Variants in RBFOX1 observed in about 807,000 individuals in gnomAD.
The protein encoded by RBFOX1 is RNA binding fox-1 homolog 1.
A neutral mutation model predicts 57.7 loss-of-function variants in RBFOX1; 8 were observed. That is an observed-to-expected ratio of 0.14 (90% CI 0.08 to 0.25). The LOEUF (loss-of-function observed/expected upper bound fraction) is 0.25. Among genes scored for constraint, RBFOX1 ranks in the 10% least tolerant of loss-of-function variants. The pLI is 1.00. For synonymous variants in RBFOX1, 326 were observed against 222.4 expected (o/e 1.47, Z -4.15); for missense variants, 611 against 548.5 (o/e 1.11, Z -1.14).
exon 3 of RBFOX1, chr16:5,599,015 C>A: frequency 7.2e-7 from 1 of 1,397,790 alleles, no homozygotes; most frequent in Non-Finnish European, 9.8e-7. Context: ...CTTTTGCATC[C>A]TTTTCAGCCT....
intron 1 of RBFOX1, among the ~76,000 whole-genome samples, chr16:6,271,547 A>G (rs1195830656): frequency 1.3e-5 from 2 of 152,238 alleles, no homozygotes; most frequent in Non-Finnish European, 2.9e-5. Flanking sequence ...TGAACAGATG[A>G]GTAAGACAAA....
At chr16:5,973,242 T>C (rs764258208) in intron 4 of RBFOX1, among the ~76,000 whole-genome samples, 1 of 152,216 alleles carries the variant, frequency 6.6e-6, no homozygotes, top group Non-Finnish European at 1.5e-5. Flanking sequence ...TTGGAAAATA[T>C]ATGAACAGAG....
intron 4 of RBFOX1, among the ~76,000 whole-genome samples, chr16:5,897,866 C>G (rs1026892309): frequency 6.7e-6 from 1 of 148,876 alleles, no homozygotes; most frequent in African/African-American, 2.5e-5. Context: ...ACTAGTTTCA[C>G]TCTGAAATAT....
intron 3 of RBFOX1, among the ~76,000 whole-genome samples, chr16:5,793,189 T>C (rs2054760377): frequency 6.6e-6 from 1 of 152,196 alleles, no homozygotes; most frequent in South Asian, 2.1e-4. Context: ...CTTCAGCCTC[T>C]GAGAAGTGCT....
intron 3 of RBFOX1, among the ~76,000 whole-genome samples, chr16:5,661,098 G>T (rs564198030): frequency 5.9e-5 from 9 of 152,130 alleles, no homozygotes; most frequent in African/African-American, 2.2e-4. Context: ...CCTGAGATTG[G>T]GAAAAGAAAG....
chr16:5,920,804 A>C (rs1440311997), intron 4 of RBFOX1, among the ~76,000 whole-genome samples: 1 of 152,224 alleles, frequency 6.6e-6, no homozygotes, highest in Non-Finnish European at 1.5e-5. Flanking sequence ...CCTGCTCAGC[A>C]TTATAATTTT....
At chr16:7,609,504 T>A (rs748163694) in intron 10 of RBFOX1, among the ~76,000 whole-genome samples, 9 of 152,176 alleles carry the variant, frequency 5.9e-5, no homozygotes, top group African/African-American at 2.2e-4. Flanking sequence ...GAGCAGCTAT[T>A]CAGATTAGCC....
intron 4 of RBFOX1, among the ~76,000 whole-genome samples, chr16:7,465,665 T>G (rs2060383790): frequency 6.6e-6 from 1 of 152,216 alleles, no homozygotes; most frequent in African/African-American, 2.4e-5. Flanking sequence ...TACTGGAGTC[T>G]TAGAGTATAC....
chr16:7,097,188 C>T (rs58031608), intron 4 of RBFOX1, among the ~76,000 whole-genome samples: 1 of 152,088 alleles, frequency 6.6e-6, no homozygotes, highest in Admixed American at 6.5e-5. Flanking sequence ...GGTGTCTTCT[C>T]AGCTAGGACC....
chr16:5,366,622 A>G lies in RBFOX1; in HGVS notation c.220-100594A>G. On this transcript the variant is annotated intron_variant, in intron 1 of 2. Transcript: ENST00000585867. ...GGAAGCAAAGTTCATCAATTATGTG[A>G]AGAATTGCTTCTGGATGACTGACCA... 1.2e-5 allele frequency: 5 copies of G among 410,318 alleles called. 1 individual carries two copies. Among genetic ancestry groups the G allele is most frequent in the South Asian group, 1.0e-4 (5 of 49,718 alleles). The allele number at this position is 410,318 out of a possible 1,614,324, so 25.4% of individuals were successfully genotyped here.
intron 4 of RBFOX1, among the ~76,000 whole-genome samples, chr16:7,208,359 AAG>A (rs1393084953): frequency 6.6e-6 from 1 of 152,164 alleles, no homozygotes; most frequent in Non-Finnish European, 1.5e-5. Context: ...TTATAAAGAA[AAG>A]AGGGGTGTTT....
chr16:7,336,193 G>A (rs1438777890), intron 4 of RBFOX1, among the ~76,000 whole-genome samples: 2 of 152,152 alleles, frequency 1.3e-5, no homozygotes, highest in African/African-American at 4.8e-5. Flanking sequence ...CTACTCAGAG[G>A]TCTTAGCCAA....
intron 4 of RBFOX1, among the ~76,000 whole-genome samples, chr16:7,439,315 A>G (rs1321706258): frequency 1.3e-5 from 2 of 151,696 alleles, no homozygotes; most frequent in Non-Finnish European, 2.9e-5. Flanking sequence ...CCCTCTTTTC[A>G]TGGAACGTCA....
intron 4 of RBFOX1, chr16:7,423,111 GAGAGA>G (rs1402292960): frequency 6.6e-6 from 1 of 151,614 alleles, no homozygotes; most frequent in Non-Finnish European, 1.5e-5. Context: ...GAGAGAGAGA[GAGAGA>G]GAGAGAGAGA....
chr16:5,626,086 G>T (rs1567315197), intron 3 of RBFOX1, among the ~76,000 whole-genome samples: 1 of 151,952 alleles, frequency 6.6e-6, no homozygotes, highest in Non-Finnish European at 1.5e-5. Flanking sequence ...CTCCATGTTG[G>T]TCAGGCTGGT....
chr16:6,996,263 C>G (rs143025516), intron 3 of RBFOX1, among the ~76,000 whole-genome samples: 9 of 152,232 alleles, frequency 5.9e-5, no homozygotes, highest in African/African-American at 1.9e-4. Context: ...CATATAAATA[C>G]AATGATATTG....
chr16:6,160,825 AGCTC>A (rs1451396027), intron 1 of RBFOX1, among the ~76,000 whole-genome samples: 1 of 152,146 alleles, frequency 6.6e-6, no homozygotes, highest in Non-Finnish European at 1.5e-5. Flanking sequence ...TCTCAAGATC[AGCTC>A]TGTTGTCCCA....
intron 5 of RBFOX1, among the ~76,000 whole-genome samples, chr16:7,570,027 A>G (rs1408862603): frequency 6.6e-6 from 1 of 152,202 alleles, no homozygotes; most frequent in Non-Finnish European, 1.5e-5. Flanking sequence ...TTCAGTTTCC[A>G]TATGGAGATG....
intron 3 of RBFOX1, among the ~76,000 whole-genome samples, chr16:6,659,895 T>C (rs1280590707): frequency 6.6e-6 from 1 of 152,118 alleles, no homozygotes; most frequent in East Asian, 1.9e-4. Context: ...GGTTTGGCAA[T>C]TTCAGCAGAG....
Sources: gnomAD v4.1 joint callset for allele counts (sites outside exome capture counted in the v4.1 genomes callset) on GRCh38, gnomAD v4.1.1 for gene constraint, MANE v1.5 for transcripts, NCBI Gene and HGNC (gene_info 2026-07-23, HGNC 2026-07-21) for gene names.